Variants in XCR1 observed in about 807,000 individuals in gnomAD.
XCR1 encodes X-C motif chemokine receptor 1, also known as chemokine XC receptor 1.
For missense variants in XCR1, 356 were observed against 424.2 expected, an observed-to-expected ratio of 0.84 and a Z score of 1.41; for synonymous variants, 187 against 188.5, an observed-to-expected ratio of 0.99 and a Z score of 0.06.
chr3:46,053,011 T>TAGC (rs1230784405), intron 5 of XCR1, among the ~76,000 whole-genome samples: 7 of 152,214 alleles, frequency 4.6e-5, no homozygotes, highest in Non-Finnish European at 1.5e-5. Flanking sequence ...CATTACCCAA[T>TAGC]AGCATATCCT....
upstream of XCR1, among the ~76,000 whole-genome samples, chr3:46,032,271 G>T (rs553831410): frequency 6.6e-6 from 1 of 152,312 alleles, no homozygotes; most frequent in African/African-American, 2.4e-5. Context: ...TCCTCTTTGG[G>T]GCCTTGTGGT....
chr3:46,063,098 C>T (rs904152087), intron 4 of XCR1, among the ~76,000 whole-genome samples: 3 of 152,040 alleles, frequency 2.0e-5, no homozygotes, highest in Non-Finnish European at 4.4e-5. Flanking sequence ...GATAAAGTTC[C>T]GAATTATTAT....
At chr3:46,066,394 A>G (rs1197109609) in intron 4 of XCR1, among the ~76,000 whole-genome samples, 1 of 152,118 alleles carries the variant, frequency 6.6e-6, no homozygotes, top group Non-Finnish European at 1.5e-5. Flanking sequence ...ACAGGCACGC[A>G]CCACCACGCC....
At chr3:46,054,236 A>G (rs1029994415) in intron 4 of XCR1, among the ~76,000 whole-genome samples, 1 of 152,132 alleles carries the variant, frequency 6.6e-6, no homozygotes, top group African/African-American at 2.4e-5. Context: ...GGTGTGGAAG[A>G]AGGGGTCAGC....
chr3:46,052,274 T>A (rs1158053310), intron 5 of XCR1, among the ~76,000 whole-genome samples: 3 of 152,132 alleles, frequency 2.0e-5, no homozygotes, highest in Admixed American at 2.0e-4. Context: ...GGTGAGGGAA[T>A]CAATATGCCT....
In XCR1 at chr3:46,074,214, C is replaced by CTTTTTTTTTTTTTTTTTTTT. The variant is rs35124592; in HGVS notation, c.-263+417_-263+436dup. Among the ~76,000 whole-genome samples, 75 of 86,656 alleles carry CTTTTTTTTTTTTTTTTTTTT rather than the reference C, an allele frequency of 8.7e-4. 7 individuals are homozygous for CTTTTTTTTTTTTTTTTTTTT. The highest frequency in any genetic ancestry group is 1.1e-3 in the East Asian group (3 of 2,630). The allele number at this position is 86,656 out of a possible 152,430, so 56.8% of individuals were successfully genotyped here. A position where few individuals can be genotyped will look rare whatever the true frequency, so the allele number is the denominator to read the frequency against. The stretch of plus-strand genomic sequence containing the variant: ...CAACACGAATGGAACTGAAGGCCAT[C>CTTTTTTTTTTTTTTTTTTTT]TTTTTTTTTTTTTTTTTTTTTTTTT... On this transcript the variant is annotated intron_variant, in intron 3 of 5. Transcript: ENST00000683768.
intron 1 of XCR1, among the ~76,000 whole-genome samples, chr3:46,084,460 A>G (rs2125905379): frequency 6.6e-6 from 1 of 152,312 alleles, no homozygotes; most frequent in East Asian, 1.9e-4. Context: ...TGCTATGTGG[A>G]CTCTAGACTA....
chr3:46,029,826 T>C (rs1025086458), upstream of XCR1, among the ~76,000 whole-genome samples: 4 of 143,746 alleles, frequency 2.8e-5, no homozygotes, highest in African/African-American at 1.1e-4. Context: ...TTTACATATG[T>C]CTTCTTTAGT....
At chr3:46,030,163 C>T (rs1201813977), upstream of XCR1, among the ~76,000 whole-genome samples, 1 of 152,040 alleles carries the variant, frequency 6.6e-6, no homozygotes, top group East Asian at 1.9e-4. Flanking sequence ...CTTTTCCCCC[C>T]ACCGTGTTTA....
intron 4 of XCR1, among the ~76,000 whole-genome samples, chr3:46,062,507 C>A (rs537611787): frequency 6.6e-6 from 1 of 152,374 alleles, no homozygotes; most frequent in East Asian, 1.9e-4. Context: ...AAGGTTCAAC[C>A]TCCTGGATCC....
At chr3:46,036,299 C>G (rs1034185462) in intron 5 of XCR1, among the ~76,000 whole-genome samples, 1 of 152,150 alleles carries the variant, frequency 6.6e-6, no homozygotes, top group African/African-American at 2.4e-5. Flanking sequence ...CTTTAAAAAT[C>G]AAACTGCTAT....
chr3:46,070,064 T>C (rs1451719063), intron 3 of XCR1, among the ~76,000 whole-genome samples: 1 of 152,086 alleles, frequency 6.6e-6, no homozygotes, highest in Non-Finnish European at 1.5e-5. Flanking sequence ...TTCAGGAGCA[T>C]GTTACTTAAT....
At chr3:46,057,911 TC>T (rs1697882366) in intron 4 of XCR1, among the ~76,000 whole-genome samples, 1 of 146,106 alleles carries the variant, frequency 6.8e-6, no homozygotes, top group South Asian at 2.1e-4. Flanking sequence ...TATCTATCTA[TC>T]TATCTATCTA....
Position 46,074,214 on chromosome 3 carries a change from C to CTTTTTTTTTTTTTT in XCR1, c.-263+423_-263+436dup, listed in dbSNP as rs35124592. Among the ~76,000 whole-genome samples, 800 of 86,564 alleles carry CTTTTTTTTTTTTTT rather than the reference C, an allele frequency of 9.2e-3. 54 individuals are homozygous for CTTTTTTTTTTTTTT. Among genetic ancestry groups the CTTTTTTTTTTTTTT allele is most frequent in the African/African-American group, 0.013 (305 of 23,192 alleles). 56.8% of individuals were successfully genotyped at this position (86,564 alleles called of 152,430 possible). A position where few individuals can be genotyped will look rare whatever the true frequency, so the allele number is the denominator to read the frequency against. ...CAACACGAATGGAACTGAAGGCCAT[C>CTTTTTTTTTTTTTT]TTTTTTTTTTTTTTTTTTTTTTTTT... On this transcript the variant is annotated intron_variant, in intron 3 of 5. Coordinates refer to the XCR1 transcript ENST00000683768.
At chr3:46,043,409 C>T (rs1479559896) in intron 5 of XCR1, among the ~76,000 whole-genome samples, 2 of 152,122 alleles carry the variant, frequency 1.3e-5, no homozygotes, top group East Asian at 3.8e-4. Flanking sequence ...CCACTGCATT[C>T]CAGCCTGGGC....
intron 1 of XCR1, among the ~76,000 whole-genome samples, chr3:46,083,124 ACTAATGACAGTACTAAAAT>A (rs965776260): frequency 3.3e-5 from 5 of 152,230 alleles, no homozygotes; most frequent in African/African-American, 1.2e-4. Context: ...TGCGTTACTC[ACTAATGACAGTACTAAAAT>A]CCATGATGTT....
At chr3:46,064,075 G>A (rs1335416465) in intron 4 of XCR1, among the ~76,000 whole-genome samples, 2 of 152,100 alleles carry the variant, frequency 1.3e-5, no homozygotes, top group Non-Finnish European at 2.9e-5. Flanking sequence ...GTCTTGCTGT[G>A]TTGCCCATCC....
chr3:46,052,044 A>AC (rs71095072), intron 5 of XCR1, among the ~76,000 whole-genome samples: 45 of 146,168 alleles, frequency 3.1e-4, no homozygotes, highest in East Asian at 2.5e-3. Flanking sequence ...AAAAACAAAA[A>AC]AAAAACTTGA....
intron 3 of XCR1, among the ~76,000 whole-genome samples, chr3:46,069,545 C>T (rs536944144): frequency 6.6e-6 from 1 of 152,084 alleles, no homozygotes; most frequent in African/African-American, 2.4e-5. Context: ...TTGACTCTCC[C>T]AAAACTTAAC....
Sources: gnomAD v4.1 joint callset for allele counts (sites outside exome capture counted in the v4.1 genomes callset) on GRCh38, gnomAD v4.1.1 for gene constraint, MANE v1.5 for transcripts, NCBI Gene and HGNC (gene_info 2026-07-23, HGNC 2026-07-21) for gene names.